Variants in BFSP2 observed in about 807,000 individuals in gnomAD.
BFSP2 encodes the protein phakinin.
Under a neutral mutation model 44.9 loss-of-function variants are expected in BFSP2, and 38 were observed. The ratio of observed to expected loss-of-function variants is 0.85; its 90% CI spans 0.65 to 1.11. The LOEUF is 1.11. Ranked by LOEUF, BFSP2 falls within the 50% of genes least tolerant of loss-of-function variation. BFSP2 has a pLI of 0.00. For missense variants in BFSP2, 525 were observed against 533.0 expected (o/e 0.99, Z 0.15); for synonymous variants, 197 against 209.9 (o/e 0.94, Z 0.53).
At chr3:133,474,491 C>G (rs559713409) in intron 6 of BFSP2, among the ~76,000 whole-genome samples, 2 of 152,380 alleles carry the variant, frequency 1.3e-5, no homozygotes, top group South Asian at 4.1e-4. Flanking sequence ...CATCCAGCTC[C>G]TCTCCAACTG....
chr3:133,423,562 C>T (rs1576568066), intron 1 of BFSP2, among the ~76,000 whole-genome samples: 1 of 13,090 alleles, frequency 7.6e-5, no homozygotes, highest in Non-Finnish European at 1.6e-4. Context: ...GTGGGGGAGG[C>T]GGCGGGGGCG....
chr3:133,405,756 C>T (rs889884731), intron 1 of BFSP2, among the ~76,000 whole-genome samples: 2 of 152,134 alleles, frequency 1.3e-5, no homozygotes, highest in Non-Finnish European at 2.9e-5. Flanking sequence ...CTTTGTCAGC[C>T]AAGCTATAAG....
At chr3:133,402,933 A>G (rs2073374047) in intron 1 of BFSP2, among the ~76,000 whole-genome samples, 1 of 152,134 alleles carries the variant, frequency 6.6e-6, no homozygotes, top group African/African-American at 2.4e-5. Context: ...GTGAGTCACC[A>G]TGCCCAGCCT....
intron 4 of BFSP2, among the ~76,000 whole-genome samples, chr3:133,456,180 C>G (rs1283391358): frequency 6.6e-6 from 1 of 152,172 alleles, no homozygotes; most frequent in Non-Finnish European, 1.5e-5. Flanking sequence ...CTGCACTTGC[C>G]TCAGGTCAGT....
At chr3:133,448,987 C>A in intron 3 of BFSP2, 3 of 283,638 alleles carry the variant, frequency 1.1e-5, no homozygotes, top group East Asian at 8.2e-5. Flanking sequence ...CTGTATTATA[C>A]AAACAAAACA....
At chr3:133,423,352 C>T (rs1053974627) in intron 1 of BFSP2, among the ~76,000 whole-genome samples, 13 of 152,168 alleles carry the variant, frequency 8.5e-5, no homozygotes, top group African/African-American at 2.9e-4. Flanking sequence ...TTCACTCCAC[C>T]GGGTTGTTGT....
At chr3:133,401,728 T>A (rs572167237) in intron 1 of BFSP2, among the ~76,000 whole-genome samples, 1 of 152,354 alleles carries the variant, frequency 6.6e-6, no homozygotes, top group South Asian at 2.1e-4. Flanking sequence ...CACCAGGGAC[T>A]GCCAACTCAG....
At chr3:133,469,393 A>G (rs2074141672) in intron 5 of BFSP2, among the ~76,000 whole-genome samples, 1 of 152,258 alleles carries the variant, frequency 6.6e-6, no homozygotes, top group Non-Finnish European at 1.5e-5. Flanking sequence ...CAAGCTGGCG[A>G]GACTTTCGGC....
chr3:133,421,420 G>A (rs1203842465), intron 1 of BFSP2, among the ~76,000 whole-genome samples: 1 of 152,196 alleles, frequency 6.6e-6, no homozygotes, highest in Non-Finnish European at 1.5e-5. Context: ...GTGATGGCGG[G>A]CAATCCTTGG....
chr3:133,418,853 G>A (rs1389498841), intron 1 of BFSP2, among the ~76,000 whole-genome samples: 5 of 152,176 alleles, frequency 3.3e-5, no homozygotes, highest in Non-Finnish European at 5.9e-5. Flanking sequence ...GTCTGCAAAC[G>A]TTAACAAGAA....
At chr3:133,443,810 G>T (rs970178487) in intron 1 of BFSP2, among the ~76,000 whole-genome samples, 5 of 152,120 alleles carry the variant, frequency 3.3e-5, no homozygotes, top group Admixed American at 2.0e-4. Flanking sequence ...CCCCACACCT[G>T]CAGCTCTAGC....
chr3:133,419,697 G>A (rs1189689878), intron 1 of BFSP2, among the ~76,000 whole-genome samples: 3 of 152,202 alleles, frequency 2.0e-5, no homozygotes, highest in Non-Finnish European at 4.4e-5. Flanking sequence ...GAGGCTGGGC[G>A]GCTTCCGACC....
intron 4 of BFSP2, among the ~76,000 whole-genome samples, chr3:133,458,611 C>T (rs550111987): frequency 2.3e-4 from 35 of 152,320 alleles, no homozygotes; most frequent in African/African-American, 7.9e-4. Flanking sequence ...ATGAGAATCA[C>T]TTGAACCCAG....
At chr3:133,466,179 T>G (rs2074107808) in intron 4 of BFSP2, among the ~76,000 whole-genome samples, 1 of 151,550 alleles carries the variant, frequency 6.6e-6, no homozygotes, top group Admixed American at 6.6e-5. Flanking sequence ...GGGGGGGCAA[T>G]ACATATTTAT....
At chr3:133,472,220 CA>C in intron 5 of BFSP2, 124 bp from the exon 6 acceptor site, 1 of 1,092,096 alleles carries the variant, frequency 9.2e-7, no homozygotes, top group Non-Finnish European at 1.3e-6. Context: ...CCATAACTGG[CA>C]AGGTCCCTGC....
At chr3:133,404,531 G>A (rs944013376) in intron 1 of BFSP2, among the ~76,000 whole-genome samples, 3 of 152,188 alleles carry the variant, frequency 2.0e-5, no homozygotes, top group East Asian at 1.9e-4. Flanking sequence ...GAAAGGTACC[G>A]CAGCCATTGG....
chr3:133,415,368 T>G (rs1405183227), intron 1 of BFSP2, among the ~76,000 whole-genome samples: 11 of 74,710 alleles, frequency 1.5e-4, no homozygotes, highest in African/African-American at 5.0e-4. Flanking sequence ...ACCCCTCTAC[T>G]CAACCCTGCC....
chr3:133,426,494 C>T (rs114606626), intron 1 of BFSP2, among the ~76,000 whole-genome samples: 315 of 152,324 alleles, frequency 2.1e-3, no homozygotes, highest in Non-Finnish European at 3.6e-3. Context: ...TAGAGAATTA[C>T]ACAATCACTA....
chr3:133,423,270 G>A lies in BFSP2; in HGVS notation c.489+22698G>A, dbSNP rs75703566. On this transcript the variant is annotated intron_variant, in intron 1 of 6. Transcript: ENST00000302334. ...GCAAAAGAACTGAGTTCAAACTCTG[G>A]TTTTGCCATTGACTGGCTTTGTGAC... Among the ~76,000 whole-genome samples, 731 of 152,242 alleles carry A rather than the reference G, an allele frequency of 4.8e-3. 9 individuals are homozygous for A. In the East Asian group the frequency reaches 0.065, roughly 14 times the overall value.
Sources: allele counts gnomAD v4.1 joint callset (sites outside exome capture counted in the v4.1 genomes callset), GRCh38; gene constraint gnomAD v4.1.1; transcripts MANE v1.5; gene names NCBI Gene and HGNC (gene_info 2026-07-23, HGNC 2026-07-21).